DCST2: variants seen among roughly 807,000 people sequenced by gnomAD.
DCST2 encodes DC-STAMP domain containing 2.
A neutral mutation model predicts 81.8 loss-of-function variants in DCST2; 64 were observed. The ratio of observed to expected loss-of-function variants is 0.78; its 90% CI spans 0.64 to 0.96. The LOEUF (loss-of-function observed/expected upper bound fraction) is 0.96. Among genes scored for constraint, DCST2 ranks in the 40% least tolerant of loss-of-function variants. The pLI is 0.00. For missense variants in DCST2, 945 were observed against 1,001.4 expected (o/e 0.94, Z 0.76); for synonymous variants, 354 against 402.6 (o/e 0.88, Z 1.44).
chr1:155,026,696 T>C lies in DCST2; in HGVS notation c.1362A>G (p.Leu454=). ...CAGCGTAGCCAGTACCTTCCACGGT[T>C]AGAGACACCAACACAGGACCTGGCA... ...IVARSPVLVS[L]TVEGTGYAGN... Residue 454 remains leucine, a synonymous_variant, in exon 9 of 15, where the codon CTA becomes CTG. Transcript: ENST00000368424. 6.2e-7 allele frequency: 1 copy of C among 1,614,188 alleles called. No homozygotes were observed. The highest frequency in any genetic ancestry group is 8.5e-7 in the Non-Finnish European group (1 of 1,180,048).
Position 155,018,649 on chromosome 1 carries a change from A to G in DCST2, c.2217T>C (p.Pro739=). 1 of 1,613,872 alleles carries G rather than the reference A, an allele frequency of 6.2e-7. No homozygotes were observed. Among genetic ancestry groups the G allele is most frequent in the Non-Finnish European group, 8.5e-7 (1 of 1,179,900 alleles). Residue 739 remains proline, a synonymous_variant, in exon 15 of 15, where the codon CCT becomes CCC. Transcript: ENST00000368424. ...CTCCTTTAGTGGCGGAGGATGTCTC[A>G]GGTGGTCTGTGGGGCTCAGGGCTGG... is the stretch of plus-strand genomic sequence containing the variant. ...ILTSPEPHRP[P]ETSSATKGAP... is the part of the protein sequence containing the mutation.
At chr1:155,031,454 G>A in intron 4 of DCST2, 120 bp downstream of exon 4, 5 of 997,900 alleles carry the variant, frequency 5.0e-6, no homozygotes, top group Non-Finnish European at 7.4e-6. Context: ...AAGCTTATTG[G>A]TTCCTCTCTG....
Position 155,023,257 on chromosome 1 carries a change from C to T in DCST2, c.1965G>A (p.Leu655=), listed in dbSNP as rs778797991. 1.7e-5 allele frequency: 27 copies of T among 1,613,972 alleles called. No individual in the cohort carries two copies. The highest frequency in any genetic ancestry group is 1.2e-4 in the Admixed American group (7 of 59,998). ...GAGGGCCCTCCTCATCGCTGGAGTC[C>T]CTGGAGAAGACTCTCATCTCAGTGG... The part of the protein sequence containing the change: ...LSYQGDLDLE[L]DSSDEEGPQL... Residue 655 remains leucine, a splice_region_variant and synonymous_variant, in exon 14 of 15, where the codon CTG becomes CTA. Coordinates refer to ENST00000368424, the MANE Select transcript of DCST2 (RefSeq NM_144622.3).
chr1:155,029,542 C>T lies in DCST2; in HGVS notation c.1178-145G>A, dbSNP rs1262877492. The stretch of plus-strand genomic sequence containing the variant: ...CGGAAAAGAAAAGAAGCTGTGAGGA[C>T]TCTGGCAAGGATGGAAAATACTCTT... On this transcript the variant is annotated intron_variant, in intron 7 of 14. Transcript: ENST00000368424. 19 of 831,302 alleles carry T rather than the reference C, an allele frequency of 2.3e-5. No individual in the cohort carries two copies. The South Asian group carries it at 3.3e-4, about 14-fold the overall frequency. 51.5% of individuals were successfully genotyped at this position (831,302 alleles called of 1,614,324 possible). A position where few individuals can be genotyped will look rare whatever the true frequency, so the allele number is the denominator to read the frequency against.
At chr1:155,022,989 C>T in intron 14 of DCST2, 128 bp downstream of exon 14, 3 of 1,422,988 alleles carry the variant, frequency 2.1e-6, no homozygotes, top group Non-Finnish European at 2.8e-6. Flanking sequence ...ACCTCAGTTA[C>T]TTCCCCTCCC....
At chr1:155,020,548 G>A (rs1659725488) in intron 14 of DCST2, among the ~76,000 whole-genome samples, 1 of 151,894 alleles carries the variant, frequency 6.6e-6, no homozygotes, top group Admixed American at 6.6e-5. Context: ...TGTATTTTTA[G>A]TAGAGACAAG....
chr1:155,031,875 G>T, intron 3 of DCST2, 104 bp from the exon 4 acceptor site: 1 of 1,223,956 alleles, frequency 8.2e-7, no homozygotes, highest in Non-Finnish European at 1.1e-6. Context: ...GAGGCCTGTG[G>T]TCAGGGACCT....
chr1:155,032,397 T>G (rs1660121866), intron 3 of DCST2, among the ~76,000 whole-genome samples: 1 of 151,722 alleles, frequency 6.6e-6, no homozygotes, highest in African/African-American at 2.4e-5. Flanking sequence ...AACCCCTGGG[T>G]TCAAGAGATC....
At chr1:155,025,642 T>C (rs939802866) in intron 10 of DCST2, among the ~76,000 whole-genome samples, 2 of 152,048 alleles carry the variant, frequency 1.3e-5, no homozygotes, top group African/African-American at 4.8e-5. Flanking sequence ...GGTGAGTTTT[T>C]AATTACACCT....
intron 3 of DCST2, 90 bp downstream of exon 3, chr1:155,032,577 A>G: frequency 9.0e-7 from 1 of 1,110,378 alleles, no homozygotes; most frequent in Non-Finnish European, 1.3e-6. Context: ...TCGGCCTCGC[A>G]AAGTGCTGGG....
intron 10 of DCST2, among the ~76,000 whole-genome samples, chr1:155,024,907 G>C (rs912064476): frequency 1.3e-5 from 2 of 152,084 alleles, no homozygotes; most frequent in Admixed American, 1.3e-4. Flanking sequence ...CCAGCACTTT[G>C]GGAGGCCGAG....
chr1:155,026,355 C>A lies in DCST2; in HGVS notation c.1558G>T (p.Val520Phe). ...CFFITLFGSYVSRLRRVICAS... is the reference protein window; with the variant it reads ...CFFITLFGSYFSRLRRVICAS... ...CAGATGACTCGCCGCAGCCGGCTGACATAGCTGCCAAACAGGGTGATGAAG... is the reference window on the plus strand; with the variant it reads ...CAGATGACTCGCCGCAGCCGGCTGAAATAGCTGCCAAACAGGGTGATGAAG... Residue 520 changes from valine (V) to phenylalanine (F), a missense_variant, in exon 10 of 15, where the codon GTC becomes TTC. Transcript: ENST00000368424. 1 of 1,613,898 alleles carries A rather than the reference C, an allele frequency of 6.2e-7. No individual in the cohort carries two copies. The highest frequency in any genetic ancestry group is 1.1e-5 in the South Asian group (1 of 91,086).
Position 155,030,073 on chromosome 1 carries a change from A to G in DCST2, c.1177+11T>C, listed in dbSNP as rs1308858978. On this transcript the variant is annotated intron_variant, in intron 7 of 14. Coordinates refer to ENST00000368424, the MANE Select transcript of DCST2 (RefSeq NM_144622.3). The stretch of plus-strand genomic sequence containing the variant: ...CCTGGCTTGGGCTCTCCCTGTCCTC[A>G]GGGCCCTCACCCGGTGGGATGTAGC... The G allele has an allele frequency of 6.2e-7, 1 of 1,612,562 alleles. No individual in the cohort carries two copies. Among genetic ancestry groups the G allele is most frequent in the Admixed American group, 1.7e-5 (1 of 60,004 alleles).
rs376878658 is a variant in DCST2 at position 155,018,588 on chromosome 1, A to T, written c.2278T>A (p.Ser760Thr). 32 of 1,613,238 alleles carry T rather than the reference A, an allele frequency of 2.0e-5. No homozygotes were observed. Among genetic ancestry groups the T allele is most frequent in the Non-Finnish European group, 2.7e-5 (32 of 1,179,722 alleles). ...TPASEPSVPLSPPSLPDPSHP... is the reference protein window; with the variant it reads ...TPASEPSVPLTPPSLPDPSHP... The stretch of plus-strand genomic sequence containing the variant: ...GAAGGATCAGGAAGAGAGGGAGGTG[A>T]GAGAGGGACTGAGGGTTCTGAAGCT... Residue 760 changes from serine to threonine, a missense_variant, in exon 15 of 15, where the codon TCA becomes ACA. Transcript: ENST00000368424.
At chr1:155,029,889 G>C (rs1376204952) in intron 7 of DCST2, among the ~76,000 whole-genome samples, 195 bp downstream of exon 7, 1 of 152,234 alleles carries the variant, frequency 6.6e-6, no homozygotes, top group African/African-American at 2.4e-5. Context: ...TCAGACTGCG[G>C]GCTCCCCAAG....
chr1:155,029,997 T>A, intron 7 of DCST2, 87 bp downstream of exon 7: 20 of 1,563,194 alleles, frequency 1.3e-5, no homozygotes, highest in Non-Finnish European at 1.6e-5. Flanking sequence ...GAGCCCTGCC[T>A]GTGCAGGGGC....
Position 155,018,555 on chromosome 1 carries a change from G to T in DCST2, c.2311C>A (p.Pro771Thr). The change falls in exon 15 of 15, where the codon CCC becomes ACC. Residue 771 changes from proline to threonine, a missense_variant. Coordinates refer to ENST00000368424, the MANE Select transcript of DCST2 (RefSeq NM_144622.3). The stretch of plus-strand genomic sequence containing the variant: ...TGTCCACTTTTGGTTTATTTGGGGG[G>T]TGGGTGGGAAGGATCAGGAAGAGAG... Reference protein sequence around the residue: ...PPSLPDPSHPPPK With the variant: ...PPSLPDPSHPTPK The T allele has an allele frequency of 1.2e-6, 2 of 1,612,466 alleles. No homozygotes were observed. The highest frequency in any genetic ancestry group is 2.7e-5 in the African/African-American group (2 of 74,948).
chr1:155,027,853 G>A (rs527937480), intron 8 of DCST2, among the ~76,000 whole-genome samples: 8 of 149,240 alleles, frequency 5.4e-5, no homozygotes, highest in Non-Finnish European at 8.9e-5. Context: ...GTGAGCCACC[G>A]CACCTGGCTC....
In DCST2 at chr1:155,032,662, C is replaced by T. The variant is rs764403181; in HGVS notation, c.541+5G>A. The T allele has an allele frequency of 1.2e-5, 19 of 1,613,320 alleles. No homozygotes were observed. In the East Asian group the frequency reaches 1.8e-4, roughly 15 times the overall value. On this transcript the variant is annotated splice_donor_5th_base_variant and intron_variant, in intron 3 of 14. Coordinates refer to ENST00000368424, the MANE Select transcript of DCST2 (RefSeq NM_144622.3). ...TCCCCGGGATAGACATGCTAATGTG[C>T]TTACCTATGTGTTTCACACCATCCA... is the stretch of plus-strand genomic sequence containing the variant.
Sources: gnomAD v4.1 joint callset for allele counts (sites outside exome capture counted in the v4.1 genomes callset) on GRCh38, gnomAD v4.1.1 for gene constraint, MANE v1.5 for transcripts, NCBI Gene and HGNC (gene_info 2026-07-23, HGNC 2026-07-21) for gene names.